The following HIVEP3 variants were observed in gnomAD, a reference collection of about 807,000 sequenced individuals.
The protein encoded by HIVEP3 is transcription factor HIVEP3.
HIVEP3 carries 49 observed loss-of-function variants against 152.8 expected under a neutral mutation model. The ratio of observed to expected loss-of-function variants is 0.32; its 90% CI spans 0.26 to 0.41. HIVEP3 has a LOEUF of 0.41. Ranked by LOEUF, HIVEP3 falls within the 10% of genes least tolerant of loss-of-function variation. The pLI is 1.00. For synonymous variants in HIVEP3, 1,269 were observed against 1,289.0 expected (o/e 0.98, Z 0.33); for missense variants, 2,790 against 3,103.3 (o/e 0.90, Z 2.40).
chr1:41,979,112 C>T (rs768484804), intron 1 of HIVEP3, among the ~76,000 whole-genome samples: 1 of 152,194 alleles, frequency 6.6e-6, no homozygotes. Context: ...TTGTTAGAAA[C>T]ACAAATTCTC....
intron 3 of HIVEP3, among the ~76,000 whole-genome samples, chr1:41,621,216 G>A (rs1256636880): frequency 6.6e-6 from 1 of 152,186 alleles, no homozygotes; most frequent in East Asian, 1.9e-4. Context: ...CACAGACCAC[G>A]GCCTTGACCC....
At chr1:41,553,245 T>C (rs1211384414) in intron 5 of HIVEP3, among the ~76,000 whole-genome samples, 2 of 152,254 alleles carry the variant, frequency 1.3e-5, no homozygotes, top group Non-Finnish European at 2.9e-5. Context: ...CCCTTTACCA[T>C]TATGTAATGG....
intron 3 of HIVEP3, among the ~76,000 whole-genome samples, chr1:41,600,045 C>A (rs1418711233): frequency 1.3e-5 from 2 of 151,664 alleles, no homozygotes; most frequent in African/African-American, 4.8e-5. Flanking sequence ...AAAATGGCTA[C>A]AACAAAAAAA....
chr1:41,987,892 C>A (rs1645333479), intron 1 of HIVEP3, among the ~76,000 whole-genome samples: 1 of 152,072 alleles, frequency 6.6e-6, no homozygotes, highest in Non-Finnish European at 1.5e-5. Context: ...GGGGAAAGAG[C>A]CTCACACTTA....
intron 5 of HIVEP3, among the ~76,000 whole-genome samples, chr1:41,558,705 C>T (rs562641457): frequency 1.3e-5 from 2 of 152,200 alleles, no homozygotes; most frequent in Admixed American, 6.5e-5. Flanking sequence ...TTCCTTGTCA[C>T]TTTCCCTGGG....
intron 1 of HIVEP3, among the ~76,000 whole-genome samples, chr1:41,780,194 C>T (rs1406491176): frequency 3.3e-5 from 5 of 150,436 alleles, no homozygotes; most frequent in African/African-American, 1.2e-4. Flanking sequence ...CAAGGTGGGC[C>T]ACAGCCAGTT....
chr1:41,589,002 C>T (rs922193529), intron 3 of HIVEP3, among the ~76,000 whole-genome samples: 1 of 152,156 alleles, frequency 6.6e-6, no homozygotes, highest in East Asian at 1.9e-4. Context: ...AAATGTGGTG[C>T]GGCATAAACC....
At chr1:41,773,671 C>T (rs1648515325) in intron 1 of HIVEP3, among the ~76,000 whole-genome samples, 1 of 152,210 alleles carries the variant, frequency 6.6e-6, no homozygotes, top group Admixed American at 6.5e-5. Context: ...CACTCTTGTA[C>T]TGTTACCTCC....
intron 1 of HIVEP3, among the ~76,000 whole-genome samples, chr1:41,912,342 A>C (rs1644809814): frequency 6.6e-6 from 1 of 152,164 alleles, no homozygotes; most frequent in African/African-American, 2.4e-5. Context: ...GTTTGCATCT[A>C]GGGGCTATTT....
chr1:41,644,053 A>C lies in HIVEP3; in HGVS notation c.-720-15106T>G, dbSNP rs543422729. ...AGGTGCGTGCCACCACACCCAGCTA[A>C]TTTTTTTATTTTTGTGGAGATGAGG... On this transcript the variant is annotated intron_variant, in intron 2 of 8. Coordinates refer to ENST00000372583, the MANE Select transcript of HIVEP3 (RefSeq NM_024503.5). 4.0e-5 allele frequency among the ~76,000 whole-genome samples: 6 copies of C among 151,774 alleles called. No individual in the cohort carries two copies. The East Asian group carries it at 7.7e-4, about 20-fold the overall frequency.
intron 2 of HIVEP3, among the ~76,000 whole-genome samples, chr1:41,692,119 C>T (rs898951763): frequency 6.6e-6 from 1 of 152,336 alleles, no homozygotes; most frequent in East Asian, 1.9e-4. Context: ...GCTGGGATTA[C>T]AGGCGCGAGC....
At chr1:42,022,479 A>G (rs1645560353) in intron 1 of HIVEP3, among the ~76,000 whole-genome samples, 1 of 152,210 alleles carries the variant, frequency 6.6e-6, no homozygotes, top group Admixed American at 6.5e-5. Flanking sequence ...ATGTATGGCT[A>G]TAGCATAAAT....
intron 1 of HIVEP3, among the ~76,000 whole-genome samples, chr1:41,737,991 T>C (rs1646943444): frequency 6.6e-6 from 1 of 152,216 alleles, no homozygotes; most frequent in Non-Finnish European, 1.5e-5. Flanking sequence ...TGAAGAAGGA[T>C]ATGGATCCAT....
intron 1 of HIVEP3, among the ~76,000 whole-genome samples, chr1:41,887,698 G>A (rs920385876): frequency 1.2e-4 from 18 of 152,184 alleles, no homozygotes; most frequent in Non-Finnish European, 2.4e-4. Flanking sequence ...CTGAAGACCT[G>A]AGTATGCAAC....
At chr1:41,670,000 G>C (rs985417942) in intron 2 of HIVEP3, among the ~76,000 whole-genome samples, 4 of 152,190 alleles carry the variant, frequency 2.6e-5, no homozygotes, top group African/African-American at 9.7e-5. Context: ...TCTGAAGTAA[G>C]TGAGCATTTC....
intron 6 of HIVEP3, among the ~76,000 whole-genome samples, chr1:41,520,761 G>A (rs777663931): frequency 1.3e-5 from 2 of 152,226 alleles, no homozygotes; most frequent in East Asian, 1.9e-4. Context: ...CCTTGTCATC[G>A]CAGGAGGAAA....
chr1:41,832,366 A>G (rs1642988243), intron 1 of HIVEP3, among the ~76,000 whole-genome samples: 1 of 152,096 alleles, frequency 6.6e-6, no homozygotes, highest in Non-Finnish European at 1.5e-5. Flanking sequence ...TGTCTCTACA[A>G]AAATTTTTTA....
intron 1 of HIVEP3, among the ~76,000 whole-genome samples, chr1:41,881,111 A>T (rs1022941003): frequency 1.3e-5 from 2 of 152,176 alleles, no homozygotes; most frequent in African/African-American, 4.8e-5. Flanking sequence ...TATATAGAGG[A>T]TGATCGTTAT....
At chr1:41,794,721 A>C (rs993455890) in intron 1 of HIVEP3, among the ~76,000 whole-genome samples, 2 of 152,146 alleles carry the variant, frequency 1.3e-5, no homozygotes, top group African/African-American at 4.8e-5. Context: ...AACTTTTCCC[A>C]TGTTTATTAG....
Sources: gnomAD v4.1 joint callset for allele counts (sites outside exome capture counted in the v4.1 genomes callset) on GRCh38, gnomAD v4.1.1 for gene constraint, MANE v1.5 for transcripts, NCBI Gene and HGNC (gene_info 2026-07-23, HGNC 2026-07-21) for gene names.